The following FAAH2 variants were observed in gnomAD, a reference collection of about 807,000 sequenced individuals.
FAAH2 encodes fatty-acid amide hydrolase 2.
FAAH2 carries 60 observed loss-of-function variants against 36.9 expected under a neutral mutation model. The ratio of observed to expected loss-of-function variants is 1.63; its 90% CI spans 1.32 to 2.02. The LOEUF is 2.02. FAAH2 is among the 30% of genes most tolerant of loss of function. The pLI is 0.00. For synonymous variants in FAAH2, 214 were observed against 143.8 expected (o/e 1.49, Z -3.49); for missense variants, 689 against 397.5 (o/e 1.73, Z -6.23).
At chrX:57,437,915 G>A (rs1012602353) in intron 8 of FAAH2, among the ~76,000 whole-genome samples, 2 of 98,448 alleles carry the variant, frequency 2.0e-5, no homozygotes, top group African/African-American at 7.3e-5. Context: ...ATATACATAC[G>A]TACATGTATA....
chrX:57,249,941 G>A, the FAAH2 span, among the ~76,000 whole-genome samples: 7 of 111,666 alleles, frequency 6.3e-5, no homozygotes, highest in Non-Finnish European at 1.3e-4. Flanking sequence ...AACCTTGACT[G>A]CATTTAAATG....
chrX:57,168,381 G>A, the FAAH2 span, among the ~76,000 whole-genome samples: 5 of 105,672 alleles, frequency 4.7e-5, no homozygotes, highest in Non-Finnish European at 7.8e-5. Flanking sequence ...ATATATATGT[G>A]TGTTACACAC....
intron 5 of FAAH2, among the ~76,000 whole-genome samples, chrX:57,377,897 T>A (rs1392413555): frequency 8.9e-6 from 1 of 112,019 alleles, no homozygotes; most frequent in Non-Finnish European, 1.9e-5. Context: ...TTTTATTTTC[T>A]TTTTAGCAAT....
intron 3 of FAAH2, among the ~76,000 whole-genome samples, chrX:57,321,139 CA>C (rs35603687): frequency 1.7e-4 from 17 of 98,007 alleles, no homozygotes; most frequent in Admixed American, 5.6e-4. Context: ...GACTCCATCT[CA>C]AAAAAAAAAA....
the FAAH2 span, among the ~76,000 whole-genome samples, chrX:57,265,826 C>T: frequency 8.9e-6 from 1 of 111,892 alleles, no homozygotes; most frequent in Non-Finnish European, 1.9e-5. Flanking sequence ...GCACAGCACA[C>T]TGCCCTATGA....
intron 10 of FAAH2, among the ~76,000 whole-genome samples, chrX:57,485,668 T>C (rs2057461236): frequency 8.9e-6 from 1 of 112,143 alleles, no homozygotes; most frequent in Non-Finnish European, 1.9e-5. Flanking sequence ...TTTCCTTAAA[T>C]AATTCTACTT....
At chrX:57,461,303 A>AT (rs1398122045) in intron 10 of FAAH2, among the ~76,000 whole-genome samples, 1 of 111,589 alleles carries the variant, frequency 9.0e-6, no homozygotes, top group Non-Finnish European at 1.9e-5. Flanking sequence ...AACCAAGCAA[A>AT]CCTAATAGAC....
chrX:57,221,966 C>G, the FAAH2 span, among the ~76,000 whole-genome samples: 1 of 110,512 alleles, frequency 9.0e-6, no homozygotes, highest in Non-Finnish European at 1.9e-5. Flanking sequence ...TAGCCCCTCT[C>G]AAAAAAACTG....
At chrX:57,348,031 C>T (rs1346128395) in intron 5 of FAAH2, among the ~76,000 whole-genome samples, 1 of 110,966 alleles carries the variant, frequency 9.0e-6, no homozygotes, top group Non-Finnish European at 1.9e-5. Context: ...GGAACATCCT[C>T]TGATCACTAG....
intron 2 of FAAH2, among the ~76,000 whole-genome samples, chrX:57,306,854 T>C (rs1453498941): frequency 4.4e-5 from 4 of 90,792 alleles, no homozygotes; most frequent in African/African-American, 1.5e-4. Flanking sequence ...TATATATGTG[T>C]ATATATATAC....
chrX:57,160,917 G>A, the FAAH2 span, among the ~76,000 whole-genome samples: 1 of 111,591 alleles, frequency 9.0e-6, no homozygotes, highest in Non-Finnish European at 1.9e-5. Flanking sequence ...GAATGTGTTT[G>A]CTCTTGCTTC....
chrX:57,177,890 G>T, the FAAH2 span, among the ~76,000 whole-genome samples: 2 of 110,215 alleles, frequency 1.8e-5, no homozygotes, highest in African/African-American at 6.6e-5. Flanking sequence ...AGGAATGCTT[G>T]GCCTGCAGTC....
At chrX:57,168,171 T>C in the FAAH2 span, among the ~76,000 whole-genome samples, 1 of 111,426 alleles carries the variant, frequency 9.0e-6, no homozygotes, top group African/African-American at 3.3e-5. Flanking sequence ...TTTTTAGTAA[T>C]TTCTTACTTT....
At chrX:57,212,168 AG>A in the FAAH2 span, among the ~76,000 whole-genome samples, 1 of 111,845 alleles carries the variant, frequency 8.9e-6, no homozygotes, top group Non-Finnish European at 1.9e-5. Context: ...AAGGAGTTTA[AG>A]GCTGCTGTAA....
the FAAH2 span, among the ~76,000 whole-genome samples, chrX:57,160,991 G>A: frequency 8.9e-6 from 1 of 111,810 alleles, no homozygotes; most frequent in African/African-American, 3.3e-5. Flanking sequence ...TCTGTTGTGG[G>A]CATTTAGTGC....
intron 9 of FAAH2, among the ~76,000 whole-genome samples, chrX:57,448,035 G>A (rs1055847212): frequency 9.9e-5 from 11 of 111,647 alleles, no homozygotes; most frequent in Admixed American, 3.8e-4. Flanking sequence ...TGATGTCCAG[G>A]CTGGAGTGCA....
rs375077871 is a variant in FAAH2, at chrX:57,444,607, C to T, written c.1117-2321C>T. On this transcript the variant is annotated intron_variant, in intron 8 of 10. Coordinates refer to ENST00000374900, the MANE Select transcript of FAAH2 (RefSeq NM_174912.4). ...TCTGTGGGCTGCACCCTCTGTCTGA[C>T]AAGCCAGTGAGATAAACCTGGTACC... 3.8e-3 allele frequency among the ~76,000 whole-genome samples: 426 copies of T among 111,250 alleles called. 2 individuals are homozygous for T. The highest frequency in any genetic ancestry group is 0.013 in the African/African-American group (411 of 30,651).
rs147667752 is a variant in FAAH2, at chrX:57,343,852, G to A, written c.742+2462G>A. Among the ~76,000 whole-genome samples the A allele has an allele frequency of 1.4e-3, 161 of 111,338 alleles. 1 individual carries two copies. The highest frequency in any genetic ancestry group is 7.4e-3 in the East Asian group (26 of 3,527). ...CATATGGCTGGCCAGTTATCCCGGCGCCATTTATTGAATAGGAAGTCCTGT... is the reference window on the plus strand; with the variant it reads ...CATATGGCTGGCCAGTTATCCCGGCACCATTTATTGAATAGGAAGTCCTGT... On this transcript the variant is annotated intron_variant, in intron 5 of 10. Coordinates refer to ENST00000374900, the MANE Select transcript of FAAH2 (RefSeq NM_174912.4).
chrX:57,343,521 C>G (rs974907949), intron 5 of FAAH2, among the ~76,000 whole-genome samples: 2 of 111,281 alleles, frequency 1.8e-5, no homozygotes, highest in Non-Finnish European at 3.8e-5. Context: ...GGATATTAGA[C>G]TTATGTTGGA....
Sources: gnomAD v4.1 joint callset for allele counts (sites outside exome capture counted in the v4.1 genomes callset) on GRCh38, gnomAD v4.1.1 for gene constraint, MANE v1.5 for transcripts, NCBI Gene and HGNC (gene_info 2026-07-23, HGNC 2026-07-21) for gene names.